TCF12: variants seen among roughly 807,000 people sequenced by gnomAD.
TCF12 encodes DNA-binding protein HTF4.
In TCF12, 45 loss-of-function variants were observed where a neutral mutation model predicts 86.0. That is an observed-to-expected ratio of 0.52 (90% CI 0.41 to 0.67). The LOEUF (loss-of-function observed/expected upper bound fraction) is 0.67. Among genes scored for constraint, TCF12 ranks in the 30% least tolerant of loss-of-function variants. The pLI is 0.00. For missense variants in TCF12, 881 were observed against 859.9 expected, an observed-to-expected ratio of 1.02 and a Z score of -0.31; for synonymous variants, 330 against 299.6, an observed-to-expected ratio of 1.10 and a Z score of -1.05.
In TCF12 at chr15:57,043,150, T is replaced by C. The variant is rs536205756; in HGVS notation, c.149-20600T>C. 2.6e-5 allele frequency among the ~76,000 whole-genome samples: 4 copies of C among 152,304 alleles called. No individual in the cohort carries two copies. The South Asian group carries it at 6.2e-4, about 24-fold the overall frequency. ...CCACATTTTCTTTATTTTTTTCATC[T>C]AAAGACCCACTAAAACTACATGGAT... On this transcript the variant is annotated intron_variant, in intron 3 of 20. Coordinates refer to ENST00000333725, the MANE Select transcript of TCF12 (RefSeq NM_207037.2).
At chr15:57,187,416 G>A (rs953791315) in intron 6 of TCF12, among the ~76,000 whole-genome samples, 3 of 152,096 alleles carry the variant, frequency 2.0e-5, no homozygotes, top group Non-Finnish European at 2.9e-5. Flanking sequence ...TAAACCAGGG[G>A]TATCCATTCT....
chr15:57,223,152 C>T (rs2058681261), intron 8 of TCF12, among the ~76,000 whole-genome samples: 1 of 151,958 alleles, frequency 6.6e-6, no homozygotes, highest in Non-Finnish European at 1.5e-5. Context: ...GTTACTAGCT[C>T]ATTTTATAAA....
intron 5 of TCF12, among the ~76,000 whole-genome samples, chr15:57,113,597 G>T (rs548310269): frequency 6.6e-6 from 1 of 151,232 alleles, no homozygotes; most frequent in South Asian, 2.1e-4. Flanking sequence ...TACCTTTCAA[G>T]AAAGGAGTAC....
chr15:57,162,823 C>T (rs2054591786), intron 5 of TCF12, among the ~76,000 whole-genome samples: 2 of 152,004 alleles, frequency 1.3e-5, no homozygotes, highest in Non-Finnish European at 2.9e-5. Flanking sequence ...CCTTTTTCCA[C>T]TTCAACTTTT....
intron 3 of TCF12, among the ~76,000 whole-genome samples, chr15:56,965,687 A>G (rs2061970683): frequency 6.6e-6 from 1 of 152,186 alleles, no homozygotes; most frequent in African/African-American, 2.4e-5. Flanking sequence ...GTCTAGGGAA[A>G]TGTCTAGGGC....
intron 18 of TCF12, among the ~76,000 whole-genome samples, chr15:57,265,767 G>C (rs2060833248): frequency 6.6e-6 from 1 of 152,146 alleles, no homozygotes; most frequent in African/African-American, 2.4e-5. Context: ...AGGACTTACT[G>C]TAGTGTGTAC....
intron 3 of TCF12, among the ~76,000 whole-genome samples, chr15:57,013,000 A>T (rs1378723000): frequency 6.6e-6 from 1 of 151,788 alleles, no homozygotes; most frequent in Admixed American, 6.6e-5. Flanking sequence ...ACTTTTAGAA[A>T]TTGTTTTGGG....
intron 3 of TCF12, among the ~76,000 whole-genome samples, chr15:56,960,902 G>A (rs1193802685): frequency 6.6e-6 from 1 of 152,020 alleles, no homozygotes; most frequent in Non-Finnish European, 1.5e-5. Flanking sequence ...CACTTTGGGA[G>A]GCTGAGGTGG....
chr15:56,947,940 G>C (rs2061083076), intron 3 of TCF12, among the ~76,000 whole-genome samples: 2 of 152,162 alleles, frequency 1.3e-5, no homozygotes, highest in African/African-American at 4.8e-5. Flanking sequence ...GTGAGAGCCT[G>C]CAGATGTAAT....
intron 9 of TCF12, among the ~76,000 whole-genome samples, chr15:57,231,965 G>GTATACCACTTAACT: frequency 6.6e-6 from 1 of 152,210 alleles, no homozygotes; most frequent in Middle Eastern, 3.4e-3. Context: ...GTATGTATAA[G>GTATACCACTTAACT]TATACCACTT....
At position 57,241,099 on chromosome 15, in the gene TCF12, AT is replaced by A. The variant is rs562526535; in HGVS notation, c.1036-2361del. Among the ~76,000 whole-genome samples, 423 of 145,448 alleles carry A rather than the reference AT, an allele frequency of 2.9e-3. 3 individuals carry two copies. The highest frequency in any genetic ancestry group is 7.8e-3 in the African/African-American group (306 of 39,014). ...AACAACTTAAAAACCAATAATATTG[AT>A]TTTTTTTTTTTCATACACTGTCTTA... is the stretch of plus-strand genomic sequence containing the variant. On this transcript the variant is annotated intron_variant, in intron 12 of 20. Coordinates refer to ENST00000333725, the MANE Select transcript of TCF12 (RefSeq NM_207037.2).
intron 3 of TCF12, among the ~76,000 whole-genome samples, chr15:56,956,768 A>G (rs1395800176): frequency 6.6e-6 from 1 of 152,100 alleles, no homozygotes; most frequent in Non-Finnish European, 1.5e-5. Context: ...ATTCCTCTAT[A>G]TAAAGTGTCT....
At chr15:56,994,999 A>G (rs1227266357) in intron 3 of TCF12, among the ~76,000 whole-genome samples, 1 of 152,084 alleles carries the variant, frequency 6.6e-6, no homozygotes, top group South Asian at 2.1e-4. Context: ...TGTGATTTTC[A>G]GTGGCTGTGG....
chr15:57,080,623 A>G (rs1359817293), intron 4 of TCF12, among the ~76,000 whole-genome samples: 1 of 152,160 alleles, frequency 6.6e-6, no homozygotes, highest in Non-Finnish European at 1.5e-5. Flanking sequence ...TGAGCATTCA[A>G]TTGATGTTGG....
At chr15:57,141,943 G>GGAA (rs1236640109) in intron 5 of TCF12, among the ~76,000 whole-genome samples, 1 of 152,132 alleles carries the variant, frequency 6.6e-6, no homozygotes, top group African/African-American at 2.4e-5. Flanking sequence ...TGACATAAAG[G>GGAA]GAAGAAGCAC....
At chr15:56,968,261 A>G (rs2062104721) in intron 3 of TCF12, among the ~76,000 whole-genome samples, 1 of 151,966 alleles carries the variant, frequency 6.6e-6, no homozygotes, top group African/African-American at 2.4e-5. Context: ...GCAGTCAAGA[A>G]TGTAATTTTG....
chr15:56,997,671 C>G (rs1251059337), intron 3 of TCF12, among the ~76,000 whole-genome samples: 1 of 152,082 alleles, frequency 6.6e-6, no homozygotes, highest in East Asian at 1.9e-4. Flanking sequence ...AAAGGGGAAA[C>G]AGGGATTAAT....
intron 3 of TCF12, among the ~76,000 whole-genome samples, chr15:56,959,747 A>G (rs1439697499): frequency 6.6e-6 from 1 of 152,204 alleles, no homozygotes; most frequent in Non-Finnish European, 1.5e-5. Flanking sequence ...TCAAATGCTT[A>G]TTTTGTTAAA....
At chr15:56,987,766 G>T (rs1319681319) in intron 3 of TCF12, among the ~76,000 whole-genome samples, 4 of 152,204 alleles carry the variant, frequency 2.6e-5, no homozygotes, top group African/African-American at 9.6e-5. Flanking sequence ...AGACTGATGT[G>T]TGGTATTCTA....
Sources: allele counts gnomAD v4.1 joint callset (sites outside exome capture counted in the v4.1 genomes callset), GRCh38; gene constraint gnomAD v4.1.1; transcripts MANE v1.5; gene names NCBI Gene and HGNC (gene_info 2026-07-23, HGNC 2026-07-21).